ARF4: variants seen among roughly 807,000 people sequenced by gnomAD.
ARF4 encodes the protein ADP-ribosylation factor 4.
In ARF4, 5 loss-of-function variants were observed where a neutral mutation model predicts 24.3. That is an observed-to-expected ratio of 0.21 (90% CI 0.11 to 0.43). ARF4 has a LOEUF of 0.43. ARF4 is among the 20% of genes least tolerant of loss of function. The pLI is 1.00. For synonymous variants in ARF4, 62 were observed against 73.5 expected (o/e 0.84, Z 0.80); for missense variants, 107 against 213.0 (o/e 0.50, Z 3.10).
At chr3:57,574,970 T>G (rs924219269) in intron 5 of ARF4, among the ~76,000 whole-genome samples, 5 of 152,014 alleles carry the variant, frequency 3.3e-5, no homozygotes, top group Non-Finnish European at 5.9e-5. Context: ...TGCCTCAGCC[T>G]TCCTGAGTAG....
rs536300547 is a variant in ARF4 at position 57,576,177 on chromosome 3, A to T, written c.331-504T>A. On this transcript the variant is annotated intron_variant, in intron 4 of 5. Transcript: ENST00000303436. ...CCAAGAACAGAAGTTGTACTGATGC[A>T]TGATGCAATATAGACGAACCCTGAA... Among the ~76,000 whole-genome samples, 7 of 152,344 alleles carry T rather than the reference A, an allele frequency of 4.6e-5. No individual in the cohort carries two copies. The South Asian group carries it at 1.2e-3, about 27-fold the overall frequency.
chr3:57,589,137 C>T (rs575118624), intron 1 of ARF4, among the ~76,000 whole-genome samples: 1 of 151,772 alleles, frequency 6.6e-6, no homozygotes, highest in South Asian at 2.1e-4. Flanking sequence ...TGTGATGGCA[C>T]ATGCCTGTAG....
chr3:57,596,840 A>G (rs1054924489), intron 1 of ARF4: 26 of 523,032 alleles, frequency 5.0e-5, no homozygotes, highest in Non-Finnish European at 7.9e-5. Context: ...AGCCGAGTCC[A>G]GAAAGAAATC....
chr3:57,580,756 T>C lies in ARF4; in HGVS notation c.258+3142A>G, dbSNP rs2069960511. 1.3e-5 allele frequency among the ~76,000 whole-genome samples: 2 copies of C among 150,580 alleles called. 1 individual carries two copies. The highest frequency in any genetic ancestry group is 4.2e-4 in the South Asian group (2 of 4,778). ...AGGGACCTAATTTTATTTTGACTGC[T>C]AACTTCCCATTTTTATTCTTTTTTT... On this transcript the variant is annotated intron_variant, in intron 3 of 5. Coordinates refer to ENST00000303436, the MANE Select transcript of ARF4 (RefSeq NM_001660.4).
intron 1 of ARF4, among the ~76,000 whole-genome samples, chr3:57,595,598 A>G (rs552028749): frequency 1.3e-5 from 2 of 152,310 alleles, no homozygotes; most frequent in African/African-American, 4.8e-5. Context: ...CTCTTTATAT[A>G]CCTTGAAATA....
At chr3:57,580,411 T>C (rs2069955755) in intron 3 of ARF4, among the ~76,000 whole-genome samples, 1 of 152,086 alleles carries the variant, frequency 6.6e-6, no homozygotes, top group African/African-American at 2.4e-5. Context: ...TCTTCTTTTT[T>C]TCAAAAAAGA....
At chr3:57,584,694 A>G (rs1040935138) in intron 1 of ARF4, among the ~76,000 whole-genome samples, 51 of 152,176 alleles carry the variant, frequency 3.4e-4, no homozygotes, top group African/African-American at 1.2e-3. Context: ...GTAAAAGGTA[A>G]CAAGTATGTA....
chr3:57,583,777 T>A, intron 3 of ARF4, 121 bp downstream of exon 3: 1 of 713,018 alleles, frequency 1.4e-6, no homozygotes, highest in Non-Finnish European at 2.4e-6. Flanking sequence ...GTGGAAGTGG[T>A]GATAAGACAA....
At position 57,572,159 on chromosome 3, in the gene ARF4, C is replaced by T; in HGVS notation, c.*53G>A. 1 of 1,440,404 alleles carries T rather than the reference C, an allele frequency of 6.9e-7. No individual in the cohort carries two copies. Among genetic ancestry groups the T allele is most frequent in the Non-Finnish European group, 9.8e-7 (1 of 1,023,260 alleles). 89.2% of individuals were successfully genotyped at this position (1,440,404 alleles called of 1,614,324 possible). ...AAGATACAAACTAATTTTGTTGTAA[C>T]AAGCCTAGACCAATTTTATCAAACA... On this transcript the variant is annotated 3_prime_UTR_variant, in exon 6 of 6. Coordinates refer to ENST00000303436, the MANE Select transcript of ARF4 (RefSeq NM_001660.4).
intron 5 of ARF4, among the ~76,000 whole-genome samples, chr3:57,573,396 G>A (rs79694595): frequency 0.013 from 1,961 of 152,130 alleles, 46 homozygotes; most frequent in African/African-American, 0.044. Flanking sequence ...TTAAGGCATA[G>A]TTTACTTTTA....
intron 5 of ARF4, among the ~76,000 whole-genome samples, chr3:57,573,609 T>G (rs1255250888): frequency 6.6e-6 from 1 of 152,128 alleles, no homozygotes; most frequent in African/African-American, 2.4e-5. Context: ...TGAGGCAGAG[T>G]ACTCACTCTT....
chr3:57,583,759 T>G, intron 3 of ARF4, 139 bp downstream of exon 3: 1 of 667,070 alleles, frequency 1.5e-6, no homozygotes, highest in Non-Finnish European at 2.6e-6. Flanking sequence ...GAGAGTCCAC[T>G]GAAGAATGTG....
At chr3:57,591,700 C>T (rs895423769) in intron 1 of ARF4, among the ~76,000 whole-genome samples, 3 of 152,004 alleles carry the variant, frequency 2.0e-5, no homozygotes, top group Non-Finnish European at 2.9e-5. Context: ...CTCCTGACCT[C>T]GTGATCTGCC....
intron 5 of ARF4, among the ~76,000 whole-genome samples, chr3:57,574,521 C>G (rs2069880239): frequency 6.6e-6 from 1 of 151,844 alleles, no homozygotes; most frequent in Non-Finnish European, 1.5e-5. Flanking sequence ...ACAGTCCTCC[C>G]ACCTCAGCCT....
Position 57,572,148 on chromosome 3 carries a change from T to G in ARF4, c.*64A>C, listed in dbSNP as rs2069849354. ...GTTTAATAACCAAGATACAAACTAA[T>G]TTTGTTGTAACAAGCCTAGACCAAT... On this transcript the variant is annotated 3_prime_UTR_variant, in exon 6 of 6. Transcript: ENST00000303436. 7.7e-7 allele frequency: 1 copy of G among 1,297,114 alleles called. No homozygotes were observed. The highest frequency in any genetic ancestry group is 1.1e-6 in the Non-Finnish European group (1 of 893,722). 80.4% of individuals were successfully genotyped at this position (1,297,114 alleles called of 1,614,324 possible). A position where few individuals can be genotyped will look rare whatever the true frequency, so the allele number is the denominator to read the frequency against.
intron 5 of ARF4, among the ~76,000 whole-genome samples, chr3:57,573,767 A>T (rs2069868418): frequency 1.3e-5 from 2 of 152,048 alleles, no homozygotes; most frequent in Non-Finnish European, 2.9e-5. Context: ...ATTTTAGTAG[A>T]GACAGAGTTT....
rs1347064982 is a variant in ARF4, at chr3:57,577,375, C to T, written c.271G>A (p.Val91Met). 1 of 1,609,818 alleles carries T rather than the reference C, an allele frequency of 6.2e-7. No individual in the cohort carries two copies. Among genetic ancestry groups the T allele is most frequent in the Non-Finnish European group, 8.5e-7 (1 of 1,178,304 alleles). Residue 91 changes from valine (V) to methionine (M), a missense_variant, in exon 4 of 6, where the codon GTG becomes ATG. By Grantham distance (21) the Val-to-Met change is conservative. Transcript: ENST00000303436. The part of the protein sequence containing the change: ...YFQNTQGLIF[V>M]VDSNDRERIQ... ...CTTTCACGATCGTTGCTATCTACCA[C>T]AAAAATAAGACCCTGGGGAAAAATT...
intron 1 of ARF4, among the ~76,000 whole-genome samples, chr3:57,594,471 GTCAA>G (rs1235691220): frequency 6.6e-6 from 1 of 152,136 alleles, no homozygotes; most frequent in Non-Finnish European, 1.5e-5. Flanking sequence ...CATAATTTCT[GTCAA>G]TCAATAGTTC....
At chr3:57,592,451 G>A (rs1362201676) in intron 1 of ARF4, among the ~76,000 whole-genome samples, 1 of 152,104 alleles carries the variant, frequency 6.6e-6, no homozygotes, top group Non-Finnish European at 1.5e-5. Flanking sequence ...TTGCACCACT[G>A]TACTCGAGCC....
Sources: allele counts gnomAD v4.1 joint callset (sites outside exome capture counted in the v4.1 genomes callset), GRCh38; gene constraint gnomAD v4.1.1; transcripts MANE v1.5; gene names NCBI Gene and HGNC (gene_info 2026-07-23, HGNC 2026-07-21).